Variants in SLC25A21 observed in about 807,000 individuals in gnomAD.
SLC25A21 encodes mitochondrial 2-oxodicarboxylate carrier.
In SLC25A21, 47 loss-of-function variants were observed where a neutral mutation model predicts 43.8. That is an observed-to-expected ratio of 1.07 (90% CI 0.85 to 1.37). The LOEUF (loss-of-function observed/expected upper bound fraction) is 1.37. SLC25A21 is among the 40% of genes most tolerant of loss of function. The pLI is 0.00. For synonymous variants in SLC25A21, 131 were observed against 121.3 expected (o/e 1.08, Z -0.52); for missense variants, 352 against 350.2 (o/e 1.00, Z -0.04).
At chr14:36,898,966 T>C (rs917755976) in intron 1 of SLC25A21, among the ~76,000 whole-genome samples, 1 of 152,196 alleles carries the variant, frequency 6.6e-6, no homozygotes, top group Admixed American at 6.5e-5. Context: ...CTATGTGGAG[T>C]AATGTATGTG....
At position 36,888,978 on chromosome 14, in the gene SLC25A21, G is replaced by A. The variant is rs17105653; in HGVS notation, c.71-13974C>T. Among the ~76,000 whole-genome samples the A allele has an allele frequency of 2.3e-3, 356 of 152,174 alleles. 1 individual carries two copies. Among genetic ancestry groups the A allele is most frequent in the Admixed American group, 0.016 (241 of 15,286 alleles). On this transcript the variant is annotated intron_variant, in intron 1 of 9. Transcript: ENST00000331299. Reference sequence around the variant, plus strand: ...AAATTGCTTGCGTTTAATTAATCACGCTGCTACAATACTTGTCTTTAGGTG... The same window carrying A: ...AAATTGCTTGCGTTTAATTAATCACACTGCTACAATACTTGTCTTTAGGTG...
intron 3 of SLC25A21, among the ~76,000 whole-genome samples, chr14:36,792,433 A>G (rs1415998413): frequency 6.6e-6 from 1 of 152,192 alleles, no homozygotes; most frequent in African/African-American, 2.4e-5. Context: ...AATGGGAGGC[A>G]GACCACAGGG....
chr14:36,997,132 C>T (rs565236808), intron 1 of SLC25A21, among the ~76,000 whole-genome samples: 1 of 152,048 alleles, frequency 6.6e-6, no homozygotes, highest in East Asian at 1.9e-4. Flanking sequence ...TAAACACACT[C>T]AGGATAAAAG....
chr14:36,947,524 C>T (rs1380396661), intron 1 of SLC25A21, among the ~76,000 whole-genome samples: 1 of 152,116 alleles, frequency 6.6e-6, no homozygotes, highest in African/African-American at 2.4e-5. Context: ...TGGGTTTTTG[C>T]TCCACAAACA....
chr14:36,774,578 C>CT lies in SLC25A21; in HGVS notation c.203+39339dup, dbSNP rs572212246. Among the ~76,000 whole-genome samples the CT allele has an allele frequency of 3.1e-3, 459 of 146,218 alleles. 2 individuals are homozygous for CT. The East Asian group carries it at 0.032, about 10-fold the overall frequency. On this transcript the variant is annotated intron_variant, in intron 3 of 9. Coordinates refer to ENST00000331299, the MANE Select transcript of SLC25A21 (RefSeq NM_030631.4). ...ACACAGGTTGAGTTTATTTTAGAGACTTTTTTTTTTTAAGACAGGGTCTCT... is the reference window on the plus strand; with the variant it reads ...ACACAGGTTGAGTTTATTTTAGAGACTTTTTTTTTTTTAAGACAGGGTCTCT...
chr14:36,779,457 T>TTATATA (rs57847198), intron 3 of SLC25A21, among the ~76,000 whole-genome samples: 2 of 139,378 alleles, frequency 1.4e-5, no homozygotes, highest in African/African-American at 2.6e-5. Flanking sequence ...AAAGAAGGAA[T>TTATATA]TATATATATA....
intron 2 of SLC25A21, among the ~76,000 whole-genome samples, chr14:36,831,878 GA>G (rs1181973942): frequency 4.6e-5 from 7 of 152,134 alleles, no homozygotes; most frequent in African/African-American, 1.7e-4. Context: ...TAGGAACATG[GA>G]AAAGACTCTA....
rs374156242 is a variant in SLC25A21 at position 36,970,103 on chromosome 14, AAAAC to A, written c.71-95103_71-95100del. ...TTAGACATGAAAGTCTCAGAAGAAA[AAAAC>A]AAACAATATATCAGTGATTTTTTAA... On this transcript the variant is annotated intron_variant, in intron 1 of 9. Transcript: ENST00000331299. 2.7e-3 allele frequency among the ~76,000 whole-genome samples: 409 copies of A among 152,340 alleles called. 3 individuals carry two copies. Among genetic ancestry groups the A allele is most frequent in the African/African-American group, 9.5e-3 (394 of 41,578 alleles).
chr14:36,859,036 A>G (rs911055578), intron 2 of SLC25A21, among the ~76,000 whole-genome samples: 1 of 152,202 alleles, frequency 6.6e-6, no homozygotes, highest in Non-Finnish European at 1.5e-5. Context: ...TTTTCCTAAA[A>G]AATCTCTCCC....
chr14:36,964,918 T>C (rs893730304), intron 1 of SLC25A21, among the ~76,000 whole-genome samples: 1 of 151,950 alleles, frequency 6.6e-6, no homozygotes, highest in Non-Finnish European at 1.5e-5. Flanking sequence ...ATTAATTTAG[T>C]TTTTTTTCCC....
chr14:37,046,470 CTA>C, intron 1 of SLC25A21, among the ~76,000 whole-genome samples: 1 of 152,224 alleles, frequency 6.6e-6, no homozygotes, highest in South Asian at 2.1e-4. Context: ...CTGAATTGGC[CTA>C]TCTCTCAATA....
At chr14:36,924,326 C>T (rs1477155632) in intron 1 of SLC25A21, among the ~76,000 whole-genome samples, 2 of 152,146 alleles carry the variant, frequency 1.3e-5, no homozygotes, top group Admixed American at 1.3e-4. Flanking sequence ...CACATATACA[C>T]CATGGAATAC....
intron 1 of SLC25A21, among the ~76,000 whole-genome samples, chr14:37,091,856 A>C (rs572292465): frequency 6.6e-6 from 1 of 152,304 alleles, no homozygotes; most frequent in East Asian, 1.9e-4. Context: ...AGCCAGGCGC[A>C]GTGACTCACG....
At chr14:36,933,611 C>T (rs1445620016) in intron 1 of SLC25A21, among the ~76,000 whole-genome samples, 1 of 152,118 alleles carries the variant, frequency 6.6e-6, no homozygotes, top group East Asian at 1.9e-4. Flanking sequence ...CTAAAGCAGA[C>T]ACCAACACCA....
chr14:36,859,473 G>C (rs756555560), intron 2 of SLC25A21, among the ~76,000 whole-genome samples: 29 of 152,210 alleles, frequency 1.9e-4, no homozygotes, highest in Non-Finnish European at 4.1e-4. Context: ...GCACCATCCA[G>C]GAGGGTGAGT....
intron 2 of SLC25A21, among the ~76,000 whole-genome samples, chr14:36,818,108 CA>C (rs1566644160): frequency 6.6e-6 from 1 of 152,122 alleles, no homozygotes; most frequent in Admixed American, 6.6e-5. Context: ...TTACCATACA[CA>C]AAAACTATTG....
At chr14:36,847,098 T>C (rs756434690) in intron 2 of SLC25A21, among the ~76,000 whole-genome samples, 1 of 152,208 alleles carries the variant, frequency 6.6e-6, no homozygotes, top group Non-Finnish European at 1.5e-5. Flanking sequence ...TTGGGGTCTT[T>C]TGTAACATAC....
intron 1 of SLC25A21, among the ~76,000 whole-genome samples, chr14:37,137,804 GTA>G (rs1232974082): frequency 1.3e-5 from 2 of 152,086 alleles, no homozygotes; most frequent in African/African-American, 4.8e-5. Flanking sequence ...TCCTTAAAAT[GTA>G]TAGTCTACTA....
rs971800195 is a variant in SLC25A21 at position 36,789,906 on chromosome 14, TTA to T, written c.203+24010_203+24011del. On this transcript the variant is annotated intron_variant, in intron 3 of 9. Transcript: ENST00000331299. ...TATATAAAATATATATTATATATATTTATATATATTATATATTTATATATTAT... is the reference window on the plus strand; with the variant it reads ...TATATAAAATATATATTATATATATTTATATATTATATATTTATATATTAT... Among the ~76,000 whole-genome samples, 61 of 123,072 alleles carry T rather than the reference TTA, an allele frequency of 5.0e-4. 1 individual carries two copies. The highest frequency in any genetic ancestry group is 8.8e-4 in the African/African-American group (28 of 31,894). The allele number at this position is 123,072 out of a possible 152,430, so 80.7% of individuals were successfully genotyped here.
Sources: gnomAD v4.1 joint callset for allele counts (sites outside exome capture counted in the v4.1 genomes callset) on GRCh38, gnomAD v4.1.1 for gene constraint, MANE v1.5 for transcripts, NCBI Gene and HGNC (gene_info 2026-07-23, HGNC 2026-07-21) for gene names.